RGS22: variants seen among roughly 807,000 people sequenced by gnomAD.
The protein encoded by RGS22 is regulator of G-protein signaling 22.
In RGS22, 148 loss-of-function variants were observed where a neutral mutation model predicts 172.9. That is an observed-to-expected ratio of 0.86 (90% CI 0.75 to 0.98). RGS22 has a LOEUF of 0.98. Ranked by LOEUF, RGS22 falls within the 50% of genes least tolerant of loss-of-function variation. RGS22 has a pLI of 0.00. For synonymous variants in RGS22, 458 were observed against 480.2 expected (o/e 0.95, Z 0.60); for missense variants, 1,347 against 1,440.8 (o/e 0.93, Z 1.05).
chr8:99,986,100 C>A (rs1310394394), intron 21 of RGS22, among the ~76,000 whole-genome samples: 1 of 151,908 alleles, frequency 6.6e-6, no homozygotes, highest in African/African-American at 2.4e-5. Context: ...CATGGTGGTG[C>A]ATGCCTGTAC....
intron 20 of RGS22, among the ~76,000 whole-genome samples, chr8:99,995,655 C>T (rs755529598): frequency 1.3e-5 from 2 of 152,126 alleles, no homozygotes; most frequent in Non-Finnish European, 2.9e-5. Context: ...GCTTTTACAC[C>T]GTTGGTGAGA....
intron 2 of RGS22, among the ~76,000 whole-genome samples, chr8:100,097,714 G>A (rs755655047): frequency 2.0e-5 from 3 of 152,106 alleles, no homozygotes; most frequent in African/African-American, 4.8e-5. Context: ...TAAATTCCTG[G>A]TTATCTGACC....
intron 16 of RGS22, chr8:100,004,691 G>T (rs1411135393): frequency 2.0e-5 from 3 of 151,572 alleles, no homozygotes; most frequent in Admixed American, 2.0e-4. Context: ...TTATAGTTTT[G>T]TGATCTGGTT....
chr8:100,096,311 T>TCCTCCATTACATCATTC (rs1220380185), intron 2 of RGS22, among the ~76,000 whole-genome samples: 1 of 152,150 alleles, frequency 6.6e-6, no homozygotes, highest in Non-Finnish European at 1.5e-5. Context: ...TACAATCATT[T>TCCTCCATTACATCATTC]CCTCCATTAC....
intron 4 of RGS22, among the ~76,000 whole-genome samples, chr8:100,077,336 T>C (rs1811429261): frequency 6.6e-6 from 1 of 152,184 alleles, no homozygotes. Context: ...AAGTAGATCA[T>C]AGATTTATTT....
Position 100,006,836 on chromosome 8 carries a change from A to C in RGS22, c.2362-727T>G, listed in dbSNP as rs148365549. 9.7e-4 allele frequency among the ~76,000 whole-genome samples: 147 copies of C among 152,294 alleles called. 3 individuals are homozygous for C. The East Asian group carries it at 0.026, about 27-fold the overall frequency. Reference sequence around the variant, plus strand: ...CTAAGAGAGATTTATTTTTCCTCCTACTAAAAACTGTACAATTTGTTTCAT... The same window carrying C: ...CTAAGAGAGATTTATTTTTCCTCCTCCTAAAAACTGTACAATTTGTTTCAT... On this transcript the variant is annotated intron_variant, in intron 15 of 27. Coordinates refer to ENST00000360863, the MANE Select transcript of RGS22 (RefSeq NM_015668.5).
chr8:100,021,164 G>A (rs867938056), intron 14 of RGS22, among the ~76,000 whole-genome samples: 3 of 152,126 alleles, frequency 2.0e-5, no homozygotes, highest in East Asian at 1.9e-4. Flanking sequence ...AATATTTACT[G>A]GCAGCAAAGC....
chr8:100,034,006 T>C (rs1454097568), intron 14 of RGS22, among the ~76,000 whole-genome samples: 1 of 152,150 alleles, frequency 6.6e-6, no homozygotes, highest in Non-Finnish European at 1.5e-5. Flanking sequence ...ACAGCCAATA[T>C]TATACTGTAT....
intron 15 of RGS22, among the ~76,000 whole-genome samples, chr8:100,006,622 C>T (rs530042813): frequency 6.6e-6 from 1 of 152,284 alleles, no homozygotes; most frequent in East Asian, 1.9e-4. Flanking sequence ...GTCAGGAGAA[C>T]AAGACCATTT....
chr8:100,015,380 C>A lies in RGS22; in HGVS notation c.2167-6811G>T, dbSNP rs149067235. On this transcript the variant is annotated intron_variant, in intron 14 of 27. Transcript: ENST00000360863. ...TGATCTCAACTCACTGCAACCTCTG[C>A]CTGCCAGGTTCAAGCGATTCTTGTG... 3.4e-3 allele frequency among the ~76,000 whole-genome samples: 511 copies of A among 152,250 alleles called. 2 individuals are homozygous for A. Among genetic ancestry groups the A allele is most frequent in the African/African-American group, 0.011 (472 of 41,540 alleles).
In RGS22 at chr8:100,008,344, T is replaced by C. The variant is rs3101323; in HGVS notation, c.2361+31A>G. ...TCAGTATTGTAGTAAACCTGAATGGTTTCACACTCAATTTATCGGTGGCAC... is the reference window on the plus strand; with the variant it reads ...TCAGTATTGTAGTAAACCTGAATGGCTTCACACTCAATTTATCGGTGGCAC... On this transcript the variant is annotated intron_variant, in intron 15 of 27. Coordinates refer to ENST00000360863, the MANE Select transcript of RGS22 (RefSeq NM_015668.5). 8.9e-3 allele frequency: 14,150 copies of C among 1,588,576 alleles called. 597 individuals are homozygous for C. In the East Asian group the frequency reaches 0.13, roughly 14 times the overall value.
intron 3 of RGS22, among the ~76,000 whole-genome samples, chr8:100,089,823 A>G (rs1238856404): frequency 1.3e-5 from 2 of 152,120 alleles, no homozygotes; most frequent in Non-Finnish European, 2.9e-5. Flanking sequence ...TATCCAAATC[A>G]TTAGTTTACT....
intron 9 of RGS22, among the ~76,000 whole-genome samples, chr8:100,062,239 A>G (rs1257736169): frequency 6.6e-6 from 1 of 152,154 alleles, no homozygotes; most frequent in Non-Finnish European, 1.5e-5. Context: ...TCCATACAAC[A>G]AACCCCTAAT....
chr8:100,041,278 C>T (rs1820076079), intron 12 of RGS22, among the ~76,000 whole-genome samples: 1 of 152,112 alleles, frequency 6.6e-6, no homozygotes, highest in Admixed American at 6.5e-5. Flanking sequence ...TGCCTGAGGT[C>T]AGGAGTGCGA....
intron 19 of RGS22, among the ~76,000 whole-genome samples, chr8:99,997,743 G>A (rs770121793): frequency 3.2e-4 from 49 of 152,144 alleles, no homozygotes; most frequent in South Asian, 2.1e-4. Flanking sequence ...AACAAGGTGT[G>A]CTAATGACAT....
chr8:100,093,388 G>C, intron 3 of RGS22, 59 bp downstream of exon 3: 1 of 989,404 alleles, frequency 1.0e-6, no homozygotes, highest in South Asian at 1.6e-5. Context: ...AGATAACCCA[G>C]TGATTAAAAT....
At chr8:100,027,076 C>G (rs2131504334) in intron 14 of RGS22, among the ~76,000 whole-genome samples, 2 of 152,116 alleles carry the variant, frequency 1.3e-5, no homozygotes, top group South Asian at 4.2e-4. Context: ...AAAACATTAG[C>G]TGGGGCTGGT....
chr8:100,006,783 T>C (rs1402704844), intron 15 of RGS22, among the ~76,000 whole-genome samples: 8 of 152,210 alleles, frequency 5.3e-5, no homozygotes, highest in Non-Finnish European at 1.2e-4. Flanking sequence ...AGATAAGTCC[T>C]CATACTTCCA....
In RGS22 at chr8:99,977,819, C is replaced by A. The variant is rs191637867; in HGVS notation, c.3519+98G>T. ...ATCCACTAATATCTGTATTCCATAA[C>A]TTCTCTCTATATATCCCCAGACAAA... On this transcript the variant is annotated intron_variant, in intron 23 of 27. Coordinates refer to ENST00000360863, the MANE Select transcript of RGS22 (RefSeq NM_015668.5). 6.2e-6 allele frequency: 6 copies of A among 971,532 alleles called. No individual in the cohort carries two copies. In the Admixed American group the frequency reaches 1.6e-4, roughly 25 times the overall value. The allele number at this position is 971,532 out of a possible 1,614,324, so 60.2% of individuals were successfully genotyped here. A position where few individuals can be genotyped will look rare whatever the true frequency, so the allele number is the denominator to read the frequency against.
Sources: gnomAD v4.1 joint callset for allele counts (sites outside exome capture counted in the v4.1 genomes callset) on GRCh38, gnomAD v4.1.1 for gene constraint, MANE v1.5 for transcripts, NCBI Gene and HGNC (gene_info 2026-07-23, HGNC 2026-07-21) for gene names.